MGAT4C: variants seen among roughly 807,000 people sequenced by gnomAD.
MGAT4C encodes the protein MGAT4 family member C.
A neutral mutation model predicts 40.1 loss-of-function variants in MGAT4C; 19 were observed. The observed-to-expected ratio is 0.47, with a 90% confidence interval of 0.33 to 0.70. The LOEUF is 0.70. MGAT4C is among the 30% of genes least tolerant of loss of function. MGAT4C has a pLI of 0.02. For missense variants in MGAT4C, 491 were observed against 563.2 expected (o/e 0.87, Z 1.30); for synonymous variants, 181 against 187.1 (o/e 0.97, Z 0.27).
chr12:86,202,352 C>T (rs61948996), intron 1 of MGAT4C, among the ~76,000 whole-genome samples: 12,643 of 151,988 alleles, frequency 0.083, 628 homozygotes, highest in Middle Eastern at 0.23. Flanking sequence ...ATGATGTACC[C>T]ATAATATTTC....
At position 86,503,727 on chromosome 12, in the gene MGAT4C, AGTTCTGCTCATATATATATATAT is replaced by A. The variant is rs1177878175; in HGVS notation, c.-228-68485_-228-68463del. Among the ~76,000 whole-genome samples the A allele has an allele frequency of 2.5e-4, 17 of 68,460 alleles. 1 individual carries two copies. The East Asian group carries it at 3.1e-3, about 12-fold the overall frequency. The allele number at this position is 68,460 out of a possible 152,430, so 44.9% of individuals were successfully genotyped here. The stretch of plus-strand genomic sequence containing the variant: ...AGTTCTGCTCATATATATATATATG[AGTTCTGCTCATATATATATATAT>A]GAGTTCTGCTCATATATATATATAT... On this transcript the variant is annotated intron_variant, in intron 2 of 7. Coordinates refer to the MGAT4C transcript ENST00000548651.
chr12:86,276,699 T>A (rs768799484), intron 4 of MGAT4C, among the ~76,000 whole-genome samples: 1 of 152,184 alleles, frequency 6.6e-6, no homozygotes, highest in Non-Finnish European at 1.5e-5. Flanking sequence ...GTCTTTCTGT[T>A]TCTGGCTTAT....
intron 1 of MGAT4C, chr12:86,068,337 C>CA (rs1242815433): frequency 1.3e-5 from 2 of 152,022 alleles, no homozygotes; most frequent in Admixed American, 1.3e-4. Context: ...GGAAAAGTAG[C>CA]AAGTTTTGTC....
chr12:86,212,724 TAAAAA>T lies in MGAT4C; in HGVS notation c.-57+43510_-57+43514del, dbSNP rs63517761. Among the ~76,000 whole-genome samples the T allele has an allele frequency of 2.8e-5, 3 of 107,910 alleles. No homozygotes were observed. The South Asian group carries it at 1.0e-3, about 37-fold the overall frequency. 70.8% of individuals were successfully genotyped at this position (107,910 alleles called of 152,430 possible). On this transcript the variant is annotated intron_variant, in intron 1 of 4. Coordinates refer to ENST00000611864, the MANE Select transcript of MGAT4C (RefSeq NM_001351288.2). ...TAAAACGGTGAAACCCCGTCTCTACTAAAAAAAAAAAAAAAAAATTAGCCGGGCGT... is the reference window on the plus strand; with the variant it reads ...TAAAACGGTGAAACCCCGTCTCTACTAAAAAAAAAAAAATTAGCCGGGCGT...
upstream of MGAT4C, among the ~76,000 whole-genome samples, chr12:86,258,557 A>C (rs955491226): frequency 5.3e-5 from 8 of 151,300 alleles, no homozygotes; most frequent in African/African-American, 1.7e-4. Flanking sequence ...CAATTTCCAC[A>C]GGTATCAACG....
Position 85,970,553 on chromosome 12 carries a change from G to A in MGAT4C, c.*8736C>T, listed in dbSNP as rs1883571786. 1 of 151,094 alleles carries A rather than the reference G, an allele frequency of 6.6e-6. No homozygotes were observed. Among genetic ancestry groups the A allele is most frequent in the African/African-American group, 2.4e-5 (1 of 41,308 alleles). 9.4% of individuals were successfully genotyped at this position (151,094 alleles called of 1,614,324 possible). The stretch of plus-strand genomic sequence containing the variant: ...AACATGTCTTGTAATTTTTAAGTTT[G>A]CATGAAAATAACTCCATCCTGAGTA... On this transcript the variant is annotated 3_prime_UTR_variant, in exon 5 of 5. Transcript: ENST00000611864.
intron 2 of MGAT4C, among the ~76,000 whole-genome samples, chr12:86,654,534 C>T (rs990447052): frequency 6.6e-6 from 1 of 151,892 alleles, no homozygotes; most frequent in Non-Finnish European, 1.5e-5. Flanking sequence ...TGTGGATTTT[C>T]GGGACAATAT....
intron 1 of MGAT4C, among the ~76,000 whole-genome samples, chr12:86,219,121 A>G (rs1361707474): frequency 6.6e-6 from 1 of 152,138 alleles, no homozygotes; most frequent in Non-Finnish European, 1.5e-5. Context: ...TGGAGGTTGC[A>G]GTGAGCCGAG....
At position 86,316,000 on chromosome 12, in the gene MGAT4C, A is replaced by G. The variant is rs118045665; in HGVS notation, c.-57+18065T>C. Among the ~76,000 whole-genome samples, 84 of 150,962 alleles carry G rather than the reference A, an allele frequency of 5.6e-4. 2 individuals are homozygous for G. In the East Asian group the frequency reaches 0.011, roughly 20 times the overall value. On this transcript the variant is annotated intron_variant, in intron 4 of 7. Coordinates refer to the MGAT4C transcript ENST00000548651. ...CTATGAGTAAGTTAAACAATTCAACAAGCAGAAAGCAAATAATTCCATTAA... is the reference window on the plus strand; with the variant it reads ...CTATGAGTAAGTTAAACAATTCAACGAGCAGAAAGCAAATAATTCCATTAA...
At chr12:86,142,754 G>C (rs1883016897) in intron 1 of MGAT4C, among the ~76,000 whole-genome samples, 1 of 151,440 alleles carries the variant, frequency 6.6e-6, no homozygotes, top group Non-Finnish European at 1.5e-5. Flanking sequence ...GGTTGTCGAG[G>C]CTTCAGTTGG....
At chr12:86,186,591 A>T (rs1453871962) in intron 1 of MGAT4C, among the ~76,000 whole-genome samples, 1 of 152,150 alleles carries the variant, frequency 6.6e-6, no homozygotes, top group Admixed American at 6.6e-5. Flanking sequence ...ATCTAAAAAC[A>T]TTTGAGTGAG....
In MGAT4C at chr12:86,555,215, G is replaced by A. The variant is rs12320825; in HGVS notation, c.-228-119950C>T. Among the ~76,000 whole-genome samples the A allele has an allele frequency of 6.9e-3, 1,049 of 151,928 alleles. 15 individuals carry two copies. Among genetic ancestry groups the A allele is most frequent in the African/African-American group, 0.024 (1,010 of 41,418 alleles). On this transcript the variant is annotated intron_variant, in intron 2 of 7. Transcript: ENST00000548651. ...TTTAAAGTAACATATTCACAGTTCA[G>A]GAGACTGGAATGGGGACATATTTAG...
chr12:86,799,110 G>T (rs921925431), intron 1 of MGAT4C, among the ~76,000 whole-genome samples: 1 of 151,640 alleles, frequency 6.6e-6, no homozygotes. Context: ...AGAAGGATTT[G>T]ATTTTCATAA....
intron 1 of MGAT4C, among the ~76,000 whole-genome samples, chr12:86,789,966 C>T (rs753067085): frequency 5.3e-5 from 8 of 152,044 alleles, no homozygotes; most frequent in Non-Finnish European, 1.0e-4. Flanking sequence ...AATTATCTGG[C>T]CCTAAAGGGT....
chr12:86,721,054 C>T (rs1359777029), intron 2 of MGAT4C, among the ~76,000 whole-genome samples: 1 of 152,014 alleles, frequency 6.6e-6, no homozygotes, highest in East Asian at 1.9e-4. Context: ...AATCAAGAAT[C>T]TCATATGTGT....
At chr12:86,717,151 A>C (rs12812045) in intron 2 of MGAT4C, among the ~76,000 whole-genome samples, 3 of 152,022 alleles carry the variant, frequency 2.0e-5, no homozygotes, top group African/African-American at 7.2e-5. Flanking sequence ...AAAAACAGAC[A>C]TCAAGAAGAA....
Position 85,979,675 on chromosome 12 carries a change from C to T in MGAT4C, c.1051G>A (p.Val351Met). Residue 351 changes from valine (V) to methionine (M), a missense_variant, in exon 5 of 5, where the codon GTG becomes ATG. Transcript: ENST00000611864. ...TTGCTTGCTTCATAATTTTCAAACA[C>T]ATTCATGTTGGTGTACAGACTTGCA... ...PPASLYTNMN[V>M]FENYEASKAY... 1 of 1,613,314 alleles carries T rather than the reference C, an allele frequency of 6.2e-7. No homozygotes were observed. The highest frequency in any genetic ancestry group is 8.5e-7 in the Non-Finnish European group (1 of 1,179,782).
At chr12:86,335,105 T>C (rs1954753604) in intron 3 of MGAT4C, among the ~76,000 whole-genome samples, 1 of 152,140 alleles carries the variant, frequency 6.6e-6, no homozygotes, top group Admixed American at 6.6e-5. Context: ...TATTATGGAA[T>C]ATTTTTGAAT....
At chr12:86,767,399 G>C (rs1244460695) in intron 1 of MGAT4C, among the ~76,000 whole-genome samples, 1 of 152,122 alleles carries the variant, frequency 6.6e-6, no homozygotes, top group Non-Finnish European at 1.5e-5. Flanking sequence ...AAGAGTCCAG[G>C]ACCAGATGGA....
Sources: gnomAD v4.1 joint callset for allele counts (sites outside exome capture counted in the v4.1 genomes callset) on GRCh38, gnomAD v4.1.1 for gene constraint, MANE v1.5 for transcripts, NCBI Gene and HGNC (gene_info 2026-07-23, HGNC 2026-07-21) for gene names.